Variants in DPH6 observed in about 807,000 individuals in gnomAD.
The protein encoded by DPH6 is diphthamine biosynthesis 6, also known as diphthine--ammonia ligase.
DPH6 carries 33 observed loss-of-function variants against 38.2 expected under a neutral mutation model. That is an observed-to-expected ratio of 0.86 (90% CI 0.65 to 1.15). The LOEUF is 1.15. Ranked by LOEUF, DPH6 falls within the 50% of genes most tolerant of loss-of-function variation. The probability of loss-of-function intolerance (pLI) is 0.00; values close to 1 mark genes in which losing one functional copy is unlikely to be tolerated. For synonymous variants in DPH6, 108 were observed against 103.0 expected (o/e 1.05, Z -0.30); for missense variants, 325 against 320.0 (o/e 1.02, Z -0.12).
chr15:35,329,894 G>A (rs1056013386), downstream of DPH6, among the ~76,000 whole-genome samples: 4 of 152,110 alleles, frequency 2.6e-5, no homozygotes, highest in Admixed American at 2.0e-4. Context: ...CTGCTGGACT[G>A]GTCAGTGACA....
intron 5 of DPH6, among the ~76,000 whole-genome samples, chr15:35,434,018 A>C (rs1458017955): frequency 6.6e-6 from 1 of 152,186 alleles, no homozygotes. Context: ...CAATATATAA[A>C]TCAACTGTCA....
chr15:35,481,805 A>G (rs2054330598), intron 3 of DPH6, among the ~76,000 whole-genome samples: 2 of 152,176 alleles, frequency 1.3e-5, no homozygotes, highest in South Asian at 2.1e-4. Context: ...CCTTCTTTTA[A>G]AAGTGTTTAT....
intron 6 of DPH6, among the ~76,000 whole-genome samples, chr15:35,391,160 A>G (rs1225220427): frequency 6.6e-6 from 1 of 152,130 alleles, no homozygotes; most frequent in Non-Finnish European, 1.5e-5. Flanking sequence ...AACAGTGGAT[A>G]TTGGAGAGCC....
At chr15:35,181,586 G>A in the DPH6 span, among the ~76,000 whole-genome samples, 1 of 151,990 alleles carries the variant, frequency 6.6e-6, no homozygotes, top group East Asian at 1.9e-4. Context: ...ATTGCAGTGA[G>A]TAATGTACTA....
intron 3 of DPH6, among the ~76,000 whole-genome samples, chr15:35,273,817 T>A (rs1448364181): frequency 6.6e-6 from 1 of 152,168 alleles, no homozygotes. Flanking sequence ...ATCATGAAAA[T>A]GGCCTTACTG....
At chr15:35,168,197 TTTTATTTATAATTAAGAACC>T in the DPH6 span, among the ~76,000 whole-genome samples, 1 of 152,052 alleles carries the variant, frequency 6.6e-6, no homozygotes, top group Non-Finnish European at 1.5e-5. Context: ...TTTTTAAAAG[TTTTATTTATAATTAAGAACC>T]TTGTTATGGC....
downstream of DPH6, among the ~76,000 whole-genome samples, chr15:35,213,137 C>T (rs912590755): frequency 1.1e-4 from 17 of 152,142 alleles, no homozygotes; most frequent in African/African-American, 3.1e-4. Flanking sequence ...TGAGGTAAGG[C>T]CTGGAATTCT....
chr15:35,518,167 A>C (rs1227281384), intron 3 of DPH6, among the ~76,000 whole-genome samples: 3 of 152,054 alleles, frequency 2.0e-5, no homozygotes, highest in African/African-American at 4.8e-5. Flanking sequence ...ATGAATTCAA[A>C]CCAAAGTAAG....
chr15:35,514,908 T>C (rs1296336753), intron 3 of DPH6, among the ~76,000 whole-genome samples: 2 of 152,184 alleles, frequency 1.3e-5, no homozygotes, highest in African/African-American at 4.8e-5. Flanking sequence ...GAAGGGCAGA[T>C]GCCAAGTCAT....
the DPH6 span, among the ~76,000 whole-genome samples, chr15:35,176,398 G>A: frequency 6.6e-6 from 1 of 152,098 alleles, no homozygotes; most frequent in African/African-American, 2.4e-5. Context: ...CTATTGCCAG[G>A]CCTAACTTTT....
At chr15:35,391,837 G>C (rs558848137) in intron 6 of DPH6, among the ~76,000 whole-genome samples, 2 of 152,318 alleles carry the variant, frequency 1.3e-5, no homozygotes, top group Non-Finnish European at 2.9e-5. Context: ...ATGGTGCACT[G>C]CACCCACTGT....
intron 3 of DPH6, chr15:35,520,582 T>G (rs1418210720): frequency 1.0e-6 from 1 of 984,610 alleles, no homozygotes; most frequent in African/African-American, 1.7e-5. Flanking sequence ...GCATAAAGCT[T>G]CTTATAATAC....
At chr15:35,383,899 T>A (rs548534725) in intron 6 of DPH6, among the ~76,000 whole-genome samples, 46 of 152,352 alleles carry the variant, frequency 3.0e-4, no homozygotes, top group African/African-American at 1.0e-3. Context: ...ATGAATCTTC[T>A]AAGACACAGC....
rs2053590790 is a variant in DPH6, at chr15:35,428,036, G to T, written c.506-17140C>A. 2.0e-5 allele frequency among the ~76,000 whole-genome samples: 3 copies of T among 151,968 alleles called. No individual in the cohort carries two copies. In the South Asian group the frequency reaches 6.2e-4, roughly 32 times the overall value. On this transcript the variant is annotated intron_variant, in intron 5 of 8. Coordinates refer to ENST00000256538, the MANE Select transcript of DPH6 (RefSeq NM_080650.4). ...ACCAAGAAGGAAAGTAGACCAGGAG[G>T]CAATGGCATAATAAGCATGCAGCAA...
the DPH6 span, among the ~76,000 whole-genome samples, chr15:35,199,502 A>G: frequency 6.6e-6 from 1 of 152,186 alleles, no homozygotes; most frequent in Non-Finnish European, 1.5e-5. Context: ...GAGGTAGAAG[A>G]TATTTAGATA....
chr15:35,396,051 T>C (rs2053127665), intron 6 of DPH6, among the ~76,000 whole-genome samples: 1 of 152,150 alleles, frequency 6.6e-6, no homozygotes, highest in Non-Finnish European at 1.5e-5. Context: ...TTTTGTCAAA[T>C]ACCACTAAAA....
intron 3 of DPH6, among the ~76,000 whole-genome samples, chr15:35,458,218 G>C (rs895016434): frequency 1.3e-5 from 2 of 152,092 alleles, no homozygotes; most frequent in Non-Finnish European, 2.9e-5. Context: ...CGTGGATACA[G>C]AGGGCTGACC....
Position 35,303,694 on chromosome 15 carries a change from T to TA in DPH6, n.200+69826dup, listed in dbSNP as rs879731153. ...TATTCAGATCAGTTAGCTCTGGAGT[T>TA]AAAAAAAAAAAAGGGGGAGGAGAGG... is the stretch of plus-strand genomic sequence containing the variant. On this transcript the variant is annotated intron_variant and non_coding_transcript_variant, in intron 3 of 3. Transcript: ENST00000560386. 3.1e-3 allele frequency among the ~76,000 whole-genome samples: 433 copies of TA among 141,912 alleles called. 1 individual carries two copies. Among genetic ancestry groups the TA allele is most frequent in the African/African-American group, 8.5e-3 (332 of 38,936 alleles). 93.1% of individuals were successfully genotyped at this position (141,912 alleles called of 152,430 possible).
intron 3 of DPH6, among the ~76,000 whole-genome samples, chr15:35,473,957 T>TGTGTGTGTGTGC (rs1480867662): frequency 2.6e-4 from 10 of 38,422 alleles, no homozygotes; most frequent in South Asian, 4.6e-3. Flanking sequence ...TGTGTGTGTG[T>TGTGTGTGTGTGC]GCGCGCGCGC....
Sources: allele counts gnomAD v4.1 joint callset (sites outside exome capture counted in the v4.1 genomes callset), GRCh38; gene constraint gnomAD v4.1.1; transcripts MANE v1.5; gene names NCBI Gene and HGNC (gene_info 2026-07-23, HGNC 2026-07-21).